AGO2: variants seen among roughly 807,000 people sequenced by gnomAD.
AGO2 encodes the protein argonaute RISC catalytic component 2.
A neutral mutation model predicts 102.3 loss-of-function variants in AGO2; 5 were observed. That is an observed-to-expected ratio of 0.05 (90% CI 0.03 to 0.10). AGO2 has a LOEUF of 0.10. Ranked by LOEUF, AGO2 falls within the 10% of genes least tolerant of loss-of-function variation. The pLI, the probability that AGO2 is intolerant of heterozygous loss-of-function variation, is 1.00. For missense variants in AGO2, 541 were observed against 1,183.7 expected, an observed-to-expected ratio of 0.46 and a Z score of 7.97; for synonymous variants, 449 against 473.1, an observed-to-expected ratio of 0.95 and a Z score of 0.66.
intron 3 of AGO2, chr8:140,572,606 A>G: frequency 1.7e-6 from 1 of 603,614 alleles, no homozygotes; most frequent in South Asian, 3.1e-5. Context: ...GTCTGGACCT[A>G]GACAAGTTAA....
chr8:140,591,124 G>A (rs935255652), intron 1 of AGO2, among the ~76,000 whole-genome samples: 7 of 152,242 alleles, frequency 4.6e-5, no homozygotes, highest in Non-Finnish European at 7.3e-5. Context: ...CGGGGGCAGC[G>A]GAGCTGTCCT....
chr8:140,630,536 TG>T (rs1283242674), intron 1 of AGO2, among the ~76,000 whole-genome samples: 1 of 152,222 alleles, frequency 6.6e-6, no homozygotes, highest in Admixed American at 6.5e-5. Context: ...GCAGCAGGCT[TG>T]GGGCTCTCAA....
At chr8:140,535,620 A>C in intron 16 of AGO2, 51 bp from the exon 17 acceptor site, 3 of 1,596,452 alleles carry the variant, frequency 1.9e-6, no homozygotes, top group Non-Finnish European at 1.7e-6. Flanking sequence ...CGGCAGAGCC[A>C]AGCAGGCGGG....
chr8:140,552,611 G>A (rs1006397790), intron 10 of AGO2, among the ~76,000 whole-genome samples: 4 of 152,140 alleles, frequency 2.6e-5, no homozygotes, highest in Non-Finnish European at 2.9e-5. Flanking sequence ...ACTACTGCCT[G>A]TTCCCACCAG....
rs1308464598 is a variant in AGO2 at position 140,589,338 on chromosome 8, G to A, written c.23-4027C>T. Among the ~76,000 whole-genome samples, 1 of 152,150 alleles carries A rather than the reference G, an allele frequency of 6.6e-6. No individual in the cohort carries two copies. The highest frequency in any genetic ancestry group is 1.5e-5 in the Non-Finnish European group (1 of 68,018). On this transcript the variant is annotated intron_variant, in intron 1 of 18. Coordinates refer to ENST00000220592, the MANE Select transcript of AGO2 (RefSeq NM_012154.5). The surrounding 1 kb of genome is among the most constrained non-coding windows in gnomAD (Gnocchi z 4.2). ...AATAGCCCAGCTCTTCCGTGAAGCCGCTTTGGCTACCGGCGGGTGAACCAC... is the reference window on the plus strand; with the variant it reads ...AATAGCCCAGCTCTTCCGTGAAGCCACTTTGGCTACCGGCGGGTGAACCAC...
At position 140,555,967 on chromosome 8, in the gene AGO2, T is replaced by C. The variant is rs771013842; in HGVS notation, c.1198A>G (p.Met400Val). 1.2e-6 allele frequency: 2 copies of C among 1,614,206 alleles called. No individual in the cohort carries two copies. Among genetic ancestry groups the C allele is most frequent in the Admixed American group, 1.7e-5 (1 of 60,028 alleles). ...ACGTCTGTCATCTCATCTTTGACCA[T>C]GATTCCAAATTCACGGACGTATGGA... ...TDPYVREFGI[M>V]VKDEMTDVTG... is the part of the protein sequence containing the mutation. The change falls in exon 10 of 19, where the codon ATG (methionine) becomes GTG (valine). Residue 400 changes from methionine (M) to valine (V), a missense_variant. Met to Val is a conservative substitution (Grantham distance 21, BLOSUM62 1). Around this residue, in one of 6 missense-constraint regions of AGO2, gnomAD observed 309 missense variants for 735.1 expected, o/e 0.42. Transcript: ENST00000220592.
intron 17 of AGO2, 114 bp from the exon 18 acceptor site, chr8:140,532,729 G>T: frequency 8.4e-7 from 1 of 1,184,270 alleles, no homozygotes; most frequent in Non-Finnish European, 1.2e-6. Flanking sequence ...GGACACGGAG[G>T]CTCACGCCTG....
rs529224001 is a variant in AGO2 at position 140,526,450 on chromosome 8, G to A, written c.*5594C>T. 1 of 152,292 alleles carries A rather than the reference G, an allele frequency of 6.6e-6. No individual in the cohort carries two copies. The highest frequency in any genetic ancestry group is 1.9e-4 in the East Asian group (1 of 5,160). 9.4% of individuals were successfully genotyped at this position (152,292 alleles called of 1,614,324 possible). On this transcript the variant is annotated 3_prime_UTR_variant, in exon 19 of 19. Transcript: ENST00000220592. This position sits in a 1 kb window ranked among gnomAD's most constrained non-coding sequence, Gnocchi z 5.2. ...GAATCTCAAAGCTGCGCAGAACAGA[G>A]GTGACCCTGGTCCACCTGACACAGT...
At chr8:140,622,281 G>T (rs554069124) in intron 1 of AGO2, among the ~76,000 whole-genome samples, 2 of 110,426 alleles carry the variant, frequency 1.8e-5, no homozygotes, top group East Asian at 5.5e-4. Flanking sequence ...CCTCTTGGGG[G>T]AATAATGCAC....
At position 140,526,729 on chromosome 8, in the gene AGO2, T is replaced by A. The variant is rs1588427232; in HGVS notation, c.*5315A>T. On this transcript the variant is annotated 3_prime_UTR_variant, in exon 19 of 19. Coordinates refer to ENST00000220592, the MANE Select transcript of AGO2 (RefSeq NM_012154.5). The surrounding 1 kb of genome is among the most constrained non-coding windows in gnomAD (Gnocchi z 5.2). ...GATTTGGCTAAGCCAATACATTCAC[T>A]TTAGACAATAACATGGCAAAACATA... 2.6e-5 allele frequency: 4 copies of A among 152,294 alleles called. No individual in the cohort carries two copies. The South Asian group carries it at 8.3e-4, about 32-fold the overall frequency. 9.4% of individuals were successfully genotyped at this position (152,294 alleles called of 1,614,324 possible).
intron 1 of AGO2, among the ~76,000 whole-genome samples, chr8:140,595,762 C>T (rs193020227): frequency 0.097 from 4,620 of 47,818 alleles, 351 homozygotes; most frequent in African/African-American, 0.23. Flanking sequence ...ATTGTATATA[C>T]AATTATATTA....
At chr8:140,615,642 G>A (rs1184302484) in intron 1 of AGO2, among the ~76,000 whole-genome samples, 2 of 152,258 alleles carry the variant, frequency 1.3e-5, no homozygotes, top group African/African-American at 2.4e-5. Context: ...CACTACAGCC[G>A]ATGTTTAGGG....
At chr8:140,599,276 C>A (rs915740439) in intron 1 of AGO2, among the ~76,000 whole-genome samples, 1 of 152,162 alleles carries the variant, frequency 6.6e-6, no homozygotes, top group African/African-American at 2.4e-5. Context: ...GTTTCTTAAC[C>A]AGAACGCAAA....
chr8:140,628,005 T>C (rs2074297029), intron 1 of AGO2, among the ~76,000 whole-genome samples: 1 of 152,170 alleles, frequency 6.6e-6, no homozygotes, highest in South Asian at 2.1e-4. Context: ...CTGGAGCTGC[T>C]CGAGGGCTTC....
At chr8:140,590,233 C>G (rs1323563827) in intron 1 of AGO2, among the ~76,000 whole-genome samples, 3 of 152,194 alleles carry the variant, frequency 2.0e-5, no homozygotes, top group African/African-American at 7.2e-5. Context: ...ACCCCCTCCC[C>G]CCGGTCTGAC....
At position 140,611,853 on chromosome 8, in the gene AGO2, A is replaced by C. The variant is rs547768371; in HGVS notation, c.22+23632T>G. ...GTGTCTGTTGCAATCGTAAAATTCA[A>C]GCTTTAACATAAAAATTATAATCGT... is the stretch of plus-strand genomic sequence containing the variant. On this transcript the variant is annotated intron_variant, in intron 1 of 18. Transcript: ENST00000220592. Among the ~76,000 whole-genome samples the C allele has an allele frequency of 3.3e-5, 5 of 152,322 alleles. No homozygotes were observed. In the South Asian group the frequency reaches 6.2e-4, roughly 19 times the overall value.
intron 8 of AGO2, 49 bp from the exon 9 acceptor site, chr8:140,556,335 C>T (rs372969029): frequency 1.2e-6 from 2 of 1,602,898 alleles, no homozygotes; most frequent in Non-Finnish European, 1.7e-6. Flanking sequence ...CTGGAGTGAC[C>T]AGGGGAGCAG....
chr8:140,641,694 G>A, the AGO2 span, among the ~76,000 whole-genome samples: 3 of 152,250 alleles, frequency 2.0e-5, no homozygotes, highest in Non-Finnish European at 2.9e-5. Flanking sequence ...AGCAATTCTC[G>A]TGCCTCAGCC....
intron 4 of AGO2, among the ~76,000 whole-genome samples, chr8:140,562,200 G>A (rs980251591): frequency 1.3e-5 from 2 of 152,252 alleles, no homozygotes; most frequent in African/African-American, 2.4e-5. Flanking sequence ...CGCGGAACAC[G>A]AAGGCACCAG....
Sources: gnomAD v4.1 joint callset for allele counts (sites outside exome capture counted in the v4.1 genomes callset) on GRCh38, gnomAD v4.1.1 for gene constraint, gnomAD v4.1.1 regional missense constraint, Gnocchi (gnomAD v3.1) non-coding constraint, MANE v1.5 for transcripts, NCBI Gene and HGNC (gene_info 2026-07-23, HGNC 2026-07-21) for gene names.